The following ARHGEF10L variants were observed in gnomAD, a reference collection of about 807,000 sequenced individuals.
The protein encoded by ARHGEF10L is Rho guanine nucleotide exchange factor 10 like.
In ARHGEF10L, 69 loss-of-function variants were observed where a neutral mutation model predicts 141.2. The ratio of observed to expected loss-of-function variants is 0.49; its 90% CI spans 0.40 to 0.60. ARHGEF10L has a LOEUF of 0.60. Ranked by LOEUF, ARHGEF10L falls within the 20% of genes least tolerant of loss-of-function variation. The pLI, the probability that ARHGEF10L is intolerant of heterozygous loss-of-function variation, is 0.00. For synonymous variants in ARHGEF10L, 711 were observed against 718.5 expected (o/e 0.99, Z 0.17); for missense variants, 1,482 against 1,734.3 (o/e 0.85, Z 2.58).
In ARHGEF10L at chr1:17,656,076, C is replaced by T. The variant is rs1234546227; in HGVS notation, c.2679C>T (p.Thr893=). Residue 893 remains threonine, a synonymous_variant, in exon 24 of 29, where the codon ACC becomes ACT. Transcript: ENST00000361221. This position sits in a 1 kb window ranked among gnomAD's most constrained non-coding sequence, Gnocchi z 4.9. ...ACCCCTCGGCCACGGTGCATCCAAC[C>T]ATCTGCCTCGGGCTCCAGGATGGCA... The part of the protein sequence containing the change: ...VADPSATVHP[T]ICLGLQDGSI... 6.4e-6 allele frequency: 10 copies of T among 1,556,476 alleles called. No individual in the cohort carries two copies. Among genetic ancestry groups the T allele is most frequent in the Non-Finnish European group, 8.7e-6 (10 of 1,150,146 alleles).
the ARHGEF10L span, among the ~76,000 whole-genome samples, chr1:17,518,802 C>CAAAA: frequency 9.0e-5 from 9 of 99,886 alleles, no homozygotes; most frequent in African/African-American, 2.0e-4. Context: ...GATTCTGTCT[C>CAAAA]AAAAAAAAAA....
At chr1:17,680,300 G>A (rs1217207431) in intron 26 of ARHGEF10L, among the ~76,000 whole-genome samples, 2 of 152,174 alleles carry the variant, frequency 1.3e-5, no homozygotes, top group Non-Finnish European at 2.9e-5. Flanking sequence ...TGTGCCCAGC[G>A]AGCCTTCCGG....
chr1:17,694,879 G>A (rs1172348769), intron 27 of ARHGEF10L: 9 of 614,908 alleles, frequency 1.5e-5, no homozygotes, highest in East Asian at 1.0e-4. Context: ...CAGACCAGGC[G>A]CTGTGCCTGT....
intron 1 of ARHGEF10L, among the ~76,000 whole-genome samples, chr1:17,571,339 C>T (rs773527708): frequency 4.6e-5 from 7 of 152,024 alleles, no homozygotes; most frequent in East Asian, 1.9e-4. Flanking sequence ...CAGGTGACCT[C>T]GTGAGCTGGC....
At chr1:17,515,451 G>C in the ARHGEF10L span, among the ~76,000 whole-genome samples, 1 of 151,818 alleles carries the variant, frequency 6.6e-6, no homozygotes, top group South Asian at 2.1e-4. Flanking sequence ...GGGCCACCAT[G>C]CCTGGCTAAT....
At chr1:17,578,214 T>C (rs1406253010) in intron 1 of ARHGEF10L, among the ~76,000 whole-genome samples, 1 of 152,184 alleles carries the variant, frequency 6.6e-6, no homozygotes, top group Non-Finnish European at 1.5e-5. Context: ...TGAGCAGACC[T>C]CAGAGGTTTT....
upstream of ARHGEF10L, among the ~76,000 whole-genome samples, chr1:17,538,989 A>C (rs2076624915): frequency 6.6e-6 from 1 of 152,228 alleles, no homozygotes; most frequent in South Asian, 2.1e-4. Flanking sequence ...AGTGTTTGGC[A>C]GCTTTGGAGC....
chr1:17,587,563 C>T lies in ARHGEF10L; in HGVS notation c.141C>T (p.Ser47=), dbSNP rs749338288. 14 of 1,614,062 alleles carry T rather than the reference C, an allele frequency of 8.7e-6. No individual in the cohort carries two copies. The highest frequency in any genetic ancestry group is 1.6e-4 in the Middle Eastern group (1 of 6,082). The change falls in exon 3 of 29, where the codon AGC becomes AGT. Residue 47 remains serine (S), a synonymous_variant. Transcript: ENST00000361221. ...FDDSDDEEDT[S]AALGVPSLAP... ...ACAGTGATGATGAAGAGGACACCAG[C>T]GCAGCCCTGGGCGTCCCCAGCCTTG...
intron 22 of ARHGEF10L, among the ~76,000 whole-genome samples, chr1:17,649,535 T>C (rs760679870): frequency 6.6e-6 from 1 of 152,200 alleles, no homozygotes; most frequent in African/African-American, 2.4e-5. Flanking sequence ...TATGAGTTCA[T>C]TTGTTCACTT....
intron 20 of ARHGEF10L, 57 bp from the exon 21 acceptor site, chr1:17,640,145 G>C (rs1409337687): frequency 1.9e-6 from 3 of 1,566,894 alleles, no homozygotes; most frequent in East Asian, 2.3e-5. Context: ...TGACAGCTGG[G>C]GGAGCCTGGC....
At chr1:17,569,748 A>T (rs2077914260) in intron 1 of ARHGEF10L, among the ~76,000 whole-genome samples, 1 of 152,198 alleles carries the variant, frequency 6.6e-6, no homozygotes, top group Non-Finnish European at 1.5e-5. Context: ...CCCGTGGGAA[A>T]GGCTGGGGTA....
intron 26 of ARHGEF10L, among the ~76,000 whole-genome samples, chr1:17,666,930 G>A (rs573721355): frequency 4.6e-5 from 7 of 151,552 alleles, no homozygotes; most frequent in Admixed American, 3.3e-4. Context: ...GAAGGTGAGC[G>A]AGGAGCACTA....
intron 27 of ARHGEF10L, among the ~76,000 whole-genome samples, chr1:17,690,398 C>T (rs1379691856): frequency 6.6e-6 from 1 of 152,226 alleles, no homozygotes; most frequent in African/African-American, 2.4e-5. Flanking sequence ...GAGGACAGTG[C>T]CCACAGTCCC....
chr1:17,520,437 G>A, the ARHGEF10L span, among the ~76,000 whole-genome samples: 5 of 152,254 alleles, frequency 3.3e-5, no homozygotes, highest in South Asian at 4.1e-4. Flanking sequence ...GGAGGACTGC[G>A]ATTGGACTGC....
intron 1 of ARHGEF10L, among the ~76,000 whole-genome samples, chr1:17,542,852 C>G (rs1400540869): frequency 6.6e-6 from 1 of 152,188 alleles, no homozygotes; most frequent in African/African-American, 2.4e-5. Flanking sequence ...CAGCCTGGGA[C>G]TCCCTGGCCA....
chr1:17,632,003 C>A lies in ARHGEF10L; in HGVS notation c.1585-318C>A, dbSNP rs574329674. Among the ~76,000 whole-genome samples the A allele has an allele frequency of 1.7e-4, 26 of 152,308 alleles. No homozygotes were observed. In the South Asian group the frequency reaches 5.4e-3, roughly 32 times the overall value. On this transcript the variant is annotated intron_variant, in intron 15 of 28. Coordinates refer to ENST00000361221, the MANE Select transcript of ARHGEF10L (RefSeq NM_018125.4). ...TCCAGAGCTGTGTCCTTGGCAGTGG[C>A]AATCAGGCAGAATCCCTACAGAGAG...
At chr1:17,618,257 T>G in intron 9 of ARHGEF10L, 180 of 714,602 alleles carry the variant, frequency 2.5e-4, no homozygotes, top group Non-Finnish European at 3.1e-4. Context: ...TCCTCAGCCC[T>G]CCCCACCCCG....
At chr1:17,579,107 G>A (rs941784906) in intron 1 of ARHGEF10L, among the ~76,000 whole-genome samples, 1 of 151,958 alleles carries the variant, frequency 6.6e-6, no homozygotes, top group Non-Finnish European at 1.5e-5. Flanking sequence ...TGCAACCTCC[G>A]CCTCCCACGT....
intron 2 of ARHGEF10L, among the ~76,000 whole-genome samples, chr1:17,580,994 C>T (rs894756287): frequency 6.6e-5 from 10 of 151,900 alleles, no homozygotes; most frequent in African/African-American, 1.9e-4. Context: ...GTAGCATTGC[C>T]GCATTTAGTG....
Sources: gnomAD v4.1 joint callset for allele counts (sites outside exome capture counted in the v4.1 genomes callset) on GRCh38, gnomAD v4.1.1 for gene constraint, Gnocchi (gnomAD v3.1) non-coding constraint, MANE v1.5 for transcripts, NCBI Gene and HGNC (gene_info 2026-07-23, HGNC 2026-07-21) for gene names.